Variants in WIPI2 observed in about 807,000 individuals in gnomAD.
WIPI2 encodes the protein WD repeat domain, phosphoinositide interacting 2, also known as WD repeat domain phosphoinositide-interacting protein 2.
WIPI2 carries 28 observed loss-of-function variants against 52.3 expected under a neutral mutation model. The ratio of observed to expected loss-of-function variants is 0.54; its 90% CI spans 0.40 to 0.73. The LOEUF (loss-of-function observed/expected upper bound fraction) is 0.73, where lower values mean the gene tolerates loss of function less well. Ranked by LOEUF, WIPI2 falls within the 30% of genes least tolerant of loss-of-function variation. WIPI2 has a pLI of 0.00. For missense variants in WIPI2, 506 were observed against 602.9 expected, an observed-to-expected ratio of 0.84 and a Z score of 1.68; for synonymous variants, 268 against 245.0, an observed-to-expected ratio of 1.09 and a Z score of -0.88.
chr7:5,204,585 C>T (rs2115238293), intron 3 of WIPI2, among the ~76,000 whole-genome samples: 1 of 152,314 alleles, frequency 6.6e-6, no homozygotes, highest in South Asian at 2.1e-4. Context: ...AGGTTGCTTT[C>T]TGAAAGGTGT....
At chr7:5,211,717 C>A (rs192055158) in intron 3 of WIPI2, among the ~76,000 whole-genome samples, 150 of 152,232 alleles carry the variant, frequency 9.9e-4, no homozygotes, top group African/African-American at 3.3e-3. Context: ...TTTGTGTATA[C>A]CAGGTTTTCC....
At chr7:5,214,799 C>A (rs1391043338) in intron 4 of WIPI2, 95 bp downstream of exon 4, 3 of 1,424,086 alleles carry the variant, frequency 2.1e-6, no homozygotes, top group African/African-American at 2.8e-5. Context: ...CCGTCATTCC[C>A]TTGCTGCCTG....
At chr7:5,204,205 G>A (rs190160264) in intron 3 of WIPI2, among the ~76,000 whole-genome samples, 1,920 of 152,228 alleles carry the variant, frequency 0.013, 32 homozygotes, top group African/African-American at 0.043. Context: ...GGTGGCTCAC[G>A]CCTGTTATCC....
At chr7:5,229,542 A>G (rs1280842656) in intron 11 of WIPI2, 66 bp from the exon 12 acceptor site, 1 of 1,561,868 alleles carries the variant, frequency 6.4e-7, no homozygotes, top group Non-Finnish European at 8.7e-7. Flanking sequence ...CAGGGCAGCC[A>G]GTGTGTACTG....
In WIPI2 at chr7:5,225,871, C is replaced by T. The variant is rs138018731; in HGVS notation, c.789C>T (p.Leu263=). 1,900 of 1,613,896 alleles carry T rather than the reference C, an allele frequency of 1.2e-3. 18 individuals carry two copies. The Middle Eastern group carries it at 0.017, about 14-fold the overall frequency. ...SLAFSMDGMF[L]SASSNTETVH... The stretch of plus-strand genomic sequence containing the variant: ...CCTTCAGCATGGACGGCATGTTCCT[C>T]TCCGCCTCCAGCAACACTGAGACCG... The change falls in exon 9 of 13, where the codon CTC becomes CTT. Residue 263 remains leucine (L), a synonymous_variant. Transcript: ENST00000288828.
At position 5,228,235 on chromosome 7, in the gene WIPI2, C is replaced by T. The variant is rs6961044; in HGVS notation, c.1121+24C>T. 7,533 of 1,590,970 alleles carry T rather than the reference C, an allele frequency of 4.7e-3. 259 individuals are homozygous for T. The African/African-American group carries it at 0.084, about 18-fold the overall frequency. ...CGGTGAGTCTGCTCCGGCCGCTTCA[C>T]GGAGCTGCTCCGTGCTGGCGGGGGG... On this transcript the variant is annotated intron_variant, in intron 11 of 12. Coordinates refer to ENST00000288828, the MANE Select transcript of WIPI2 (RefSeq NM_015610.4).
At chr7:5,224,059 G>A (rs1348960981) in intron 8 of WIPI2, among the ~76,000 whole-genome samples, 1 of 152,222 alleles carries the variant, frequency 6.6e-6, no homozygotes, top group Non-Finnish European at 1.5e-5. Flanking sequence ...CCACACCTCT[G>A]TCCTGCAGGA....
chr7:5,227,716 A>C lies in WIPI2; in HGVS notation c.1013+372A>C, dbSNP rs1445297959. On this transcript the variant is annotated intron_variant, in intron 10 of 12. Transcript: ENST00000288828. This position sits in a 1 kb window ranked among gnomAD's most constrained non-coding sequence, Gnocchi z 8.1. ...CTCAGAACACACACAGGGCCTGTGG[A>C]GGTTCTGTGCTGCGTGCGGGAAAGA... Among the ~76,000 whole-genome samples the C allele has an allele frequency of 6.6e-6, 1 of 152,104 alleles. No homozygotes were observed. Among genetic ancestry groups the C allele is most frequent in the African/African-American group, 2.4e-5 (1 of 41,416 alleles).
At chr7:5,192,671 G>A (rs1312783833) in intron 1 of WIPI2, among the ~76,000 whole-genome samples, 3 of 152,200 alleles carry the variant, frequency 2.0e-5, no homozygotes, top group East Asian at 1.9e-4. Context: ...TGAATAGTAA[G>A]CTAGGATTAT....
At position 5,227,944 on chromosome 7, in the gene WIPI2, C is replaced by T. The variant is rs1315096107; in HGVS notation, c.1014-160C>T. On this transcript the variant is annotated intron_variant, in intron 10 of 12. Transcript: ENST00000288828. The surrounding 1 kb of genome is among the most constrained non-coding windows in gnomAD (Gnocchi z 8.1). Reference sequence around the variant, plus strand: ...GCTCAGCACACGAGTGCAGCCTTGGCCGTGTGAGCCGAGGTCAGTGGGGCG... The same window carrying T: ...GCTCAGCACACGAGTGCAGCCTTGGTCGTGTGAGCCGAGGTCAGTGGGGCG... 2.6e-5 allele frequency among the ~76,000 whole-genome samples: 4 copies of T among 152,224 alleles called. No individual in the cohort carries two copies. The highest frequency in any genetic ancestry group is 9.6e-5 in the African/African-American group (4 of 41,462).
At chr7:5,220,390 G>T (rs914714962) in intron 7 of WIPI2, among the ~76,000 whole-genome samples, 1 of 151,650 alleles carries the variant, frequency 6.6e-6, no homozygotes, top group Non-Finnish European at 1.5e-5. Context: ...TTACAAGCGC[G>T]CGCCACCACA....
At chr7:5,192,239 G>A (rs1482034750) in intron 1 of WIPI2, among the ~76,000 whole-genome samples, 1 of 152,164 alleles carries the variant, frequency 6.6e-6, no homozygotes, top group East Asian at 1.9e-4. Context: ...TCCAGATAGG[G>A]AAAAGGACAC....
chr7:5,220,296 A>C (rs1231800306), intron 7 of WIPI2, among the ~76,000 whole-genome samples: 1 of 147,204 alleles, frequency 6.8e-6, no homozygotes, highest in African/African-American at 2.5e-5. Context: ...GCTGGAGTGC[A>C]GTGTGGTATG....
intron 3 of WIPI2, among the ~76,000 whole-genome samples, chr7:5,207,768 CTTTTTTTT>C (rs35296190): frequency 9.3e-6 from 1 of 107,290 alleles, no homozygotes; most frequent in East Asian, 2.7e-4. Flanking sequence ...TCCTCACTAA[CTTTTTTTT>C]TTTTTTTTTT....
chr7:5,215,823 A>G (rs955146501), intron 4 of WIPI2, among the ~76,000 whole-genome samples: 1 of 152,260 alleles, frequency 6.6e-6, no homozygotes, highest in Non-Finnish European at 1.5e-5. Flanking sequence ...TCAGCGATGC[A>G]TCGTCTGCAT....
chr7:5,205,251 C>T (rs984354316), intron 3 of WIPI2, among the ~76,000 whole-genome samples: 1 of 151,932 alleles, frequency 6.6e-6, no homozygotes, highest in Non-Finnish European at 1.5e-5. Context: ...GCTGGGATTA[C>T]AGGCGCGAGC....
At position 5,231,418 on chromosome 7, in the gene WIPI2, G is replaced by A. The variant is rs1583601691; in HGVS notation, c.*471G>A. The A allele has an allele frequency of 6.5e-6, 1 of 153,260 alleles. No individual in the cohort carries two copies. Among genetic ancestry groups the A allele is most frequent in the East Asian group, 1.9e-4 (1 of 5,204 alleles). 9.5% of individuals were successfully genotyped at this position (153,260 alleles called of 1,614,324 possible). ...GACAGGCCCAGGGGCTGCCCACCAG[G>A]TGTGCTGGGCAGACTTCAGCTGGGA... is the stretch of plus-strand genomic sequence containing the variant. On this transcript the variant is annotated 3_prime_UTR_variant, in exon 13 of 13. Coordinates refer to ENST00000288828, the MANE Select transcript of WIPI2 (RefSeq NM_015610.4).
chr7:5,209,922 T>A (rs1782471977), intron 3 of WIPI2, among the ~76,000 whole-genome samples: 1 of 152,156 alleles, frequency 6.6e-6, no homozygotes, highest in African/African-American at 2.4e-5. Context: ...TTTTTTTGGT[T>A]TTTTTGGTGG....
At position 5,217,292 on chromosome 7, in the gene WIPI2, G is replaced by C. The variant is rs763421254; in HGVS notation, c.576+105G>C. The C allele has an allele frequency of 9.3e-6, 11 of 1,177,276 alleles. No individual in the cohort carries two copies. The African/African-American group carries it at 1.5e-4, about 16-fold the overall frequency. The allele number at this position is 1,177,276 out of a possible 1,614,324, so 72.9% of individuals were successfully genotyped here. On this transcript the variant is annotated intron_variant, in intron 6 of 12. Coordinates refer to ENST00000288828, the MANE Select transcript of WIPI2 (RefSeq NM_015610.4). ...CCTGACTTGGCTCAGCAATACAACC[G>C]CTGCACTTTTTTGTTTGTTTGTTTG...
Sources: gnomAD v4.1 joint callset for allele counts (sites outside exome capture counted in the v4.1 genomes callset) on GRCh38, gnomAD v4.1.1 for gene constraint, Gnocchi (gnomAD v3.1) non-coding constraint, MANE v1.5 for transcripts, NCBI Gene and HGNC (gene_info 2026-07-23, HGNC 2026-07-21) for gene names.